Variants in MYO18B observed in about 807,000 individuals in gnomAD.
MYO18B encodes myosin XVIIIB.
MYO18B carries 204 observed loss-of-function variants against 273.0 expected under a neutral mutation model. The ratio of observed to expected loss-of-function variants is 0.75; its 90% CI spans 0.67 to 0.84. The LOEUF (loss-of-function observed/expected upper bound fraction) is 0.84, where lower values mean the gene tolerates loss of function less well. MYO18B is among the 40% of genes least tolerant of loss of function. The pLI, the probability that MYO18B is intolerant of heterozygous loss-of-function variation, is 0.00. For missense variants in MYO18B, 3,212 were observed against 3,287.6 expected (o/e 0.98, Z 0.56); for synonymous variants, 1,330 against 1,305.7 (o/e 1.02, Z -0.40).
Position 25,940,144 on chromosome 22 carries a change from T to C in MYO18B, c.5518-5993T>C, listed in dbSNP as rs140323419. Among the ~76,000 whole-genome samples the C allele has an allele frequency of 2.6e-5, 4 of 152,352 alleles. No homozygotes were observed. The East Asian group carries it at 7.7e-4, about 29-fold the overall frequency. On this transcript the variant is annotated intron_variant, in intron 34 of 43. Coordinates refer to ENST00000335473, the MANE Select transcript of MYO18B (RefSeq NM_032608.7). ...TTTTTGGATGATGATATGGTTTGGCTATGTTCCCACACAAATCTCATCTTG... is the reference window on the plus strand; with the variant it reads ...TTTTTGGATGATGATATGGTTTGGCCATGTTCCCACACAAATCTCATCTTG...
At chr22:25,784,953 A>C (rs1026873793) in intron 10 of MYO18B, among the ~76,000 whole-genome samples, 1 of 152,182 alleles carries the variant, frequency 6.6e-6, no homozygotes, top group African/African-American at 2.4e-5. Context: ...TTCTGGTTGC[A>C]TGCTTGCTAG....
Position 25,917,545 on chromosome 22 carries a change from G to GGGGTGGT in MYO18B, c.5365-3711_5365-3710insGGTGGTG, listed in dbSNP as rs1555944183. ...CTATTTCATTTTAAAGCTTTGTAGGGGTGTGTGTGTGTGTGTGTGTGTGTG... is the reference window on the plus strand; with the variant it reads ...CTATTTCATTTTAAAGCTTTGTAGGGGGGTGGTGTGTGTGTGTGTGTGTGTGTGTGTG... On this transcript the variant is annotated intron_variant, in intron 33 of 43. Coordinates refer to ENST00000335473, the MANE Select transcript of MYO18B (RefSeq NM_032608.7). Among the ~76,000 whole-genome samples the GGGGTGGT allele has an allele frequency of 2.7e-3, 383 of 142,244 alleles. 1 individual carries two copies. Among genetic ancestry groups the GGGGTGGT allele is most frequent in the Admixed American group, 5.0e-3 (71 of 14,318 alleles). 93.3% of individuals were successfully genotyped at this position (142,244 alleles called of 152,430 possible).
At chr22:25,921,702 TTGTGTGTGTGTGTG>T (rs3070571) in intron 34 of MYO18B, among the ~76,000 whole-genome samples, 8,365 of 145,672 alleles carry the variant, frequency 0.057, 460 homozygotes, top group African/African-American at 0.14. Context: ...AGTGTGCCTG[TTGTGTGTGTGTGTG>T]TGTGTGTGTG....
intron 22 of MYO18B, among the ~76,000 whole-genome samples, chr22:25,873,458 C>CT (rs908563543): frequency 1.6e-4 from 25 of 151,938 alleles, no homozygotes; most frequent in African/African-American, 5.6e-4. Context: ...TCTTTCCTTT[C>CT]TTTTTTTTGA....
Position 25,835,630 on chromosome 22 carries a change from A to G in MYO18B, c.3208+187A>G, listed in dbSNP as rs695445. On this transcript the variant is annotated intron_variant, in intron 17 of 43. Coordinates refer to ENST00000335473, the MANE Select transcript of MYO18B (RefSeq NM_032608.7). ...TCAGTGAACGCATTGAGCAGCCACT[A>G]TGTGCTGGGTACTGTTCCATGTGTT... Among the ~76,000 whole-genome samples the G allele has an allele frequency of 0.091, 13,797 of 152,282 alleles. 1,956 individuals carry two copies. The highest frequency in any genetic ancestry group is 0.3 in the African/African-American group (12,572 of 41,524).
rs1035523594 is a variant in MYO18B at position 25,778,599 on chromosome 22, C to T, written c.2068+818C>T. On this transcript the variant is annotated intron_variant, in intron 8 of 43. Coordinates refer to ENST00000335473, the MANE Select transcript of MYO18B (RefSeq NM_032608.7). ...GGCTTAAGTGATCCTCCCACCTCAG[C>T]CTCCTGAGTAGCTGGGACTACAGGT... Among the ~76,000 whole-genome samples, 5 of 152,040 alleles carry T rather than the reference C, an allele frequency of 3.3e-5. 1 individual carries two copies. Among genetic ancestry groups the T allele is most frequent in the African/African-American group, 1.2e-4 (5 of 41,392 alleles).
Position 25,834,625 on chromosome 22 carries a change from T to G in MYO18B, c.3061-671T>G, listed in dbSNP as rs79460741. On this transcript the variant is annotated intron_variant, in intron 16 of 43. Transcript: ENST00000335473. ...TCCTCTATAACAAGTTGGTGGCCTT[T>G]TTTTGGTTGTGCCAACTCCTTATGG... Among the ~76,000 whole-genome samples, 521 of 152,318 alleles carry G rather than the reference T, an allele frequency of 3.4e-3. 10 individuals are homozygous for G. The East Asian group carries it at 0.066, about 19-fold the overall frequency.
At chr22:25,897,798 G>A (rs143273977) in intron 28 of MYO18B, 2 of 152,752 alleles carry the variant, frequency 1.3e-5, no homozygotes, top group African/African-American at 4.8e-5. Flanking sequence ...CTTGACTTTT[G>A]TTTGTTTAAG....
At chr22:25,966,689 C>A (rs574520723) in intron 39 of MYO18B, among the ~76,000 whole-genome samples, 1 of 152,164 alleles carries the variant, frequency 6.6e-6, no homozygotes, top group Non-Finnish European at 1.5e-5. Context: ...GGGGAACCCG[C>A]GGGTATTTCT....
chr22:25,821,754 G>A (rs2089290088), intron 12 of MYO18B, among the ~76,000 whole-genome samples: 1 of 152,120 alleles, frequency 6.6e-6, no homozygotes, highest in Non-Finnish European at 1.5e-5. Context: ...TCCAGCCTGG[G>A]CGAGAGTGAG....
In MYO18B at chr22:25,777,627, C is replaced by T; in HGVS notation, c.1914C>T (p.Ser638=). The T allele has an allele frequency of 6.2e-7, 1 of 1,609,340 alleles. No homozygotes were observed. Among genetic ancestry groups the T allele is most frequent in the Middle Eastern group, 1.7e-4 (1 of 5,964 alleles). ...RRDGLPAHIG[S]MAQRAYWALL... is the part of the protein sequence containing the mutation. The stretch of plus-strand genomic sequence containing the variant: ...ATGGCCTGCCTGCCCACATTGGCTC[C>T]ATGGCACAGCGGGCATACTGGGCGC... The change falls in exon 8 of 44, where the codon TCC becomes TCT. Residue 638 remains serine (S), a synonymous_variant. Transcript: ENST00000335473.
At chr22:25,948,385 ATTTTC>A (rs1199125511) in intron 36 of MYO18B, among the ~76,000 whole-genome samples, 1 of 147,466 alleles carries the variant, frequency 6.8e-6, no homozygotes, top group Non-Finnish European at 1.5e-5. Flanking sequence ...TCCAACCATC[ATTTTC>A]TTTTCTTTTT....
At chr22:25,814,634 C>T (rs2088923774) in intron 12 of MYO18B, among the ~76,000 whole-genome samples, 1 of 152,186 alleles carries the variant, frequency 6.6e-6, no homozygotes, top group South Asian at 2.1e-4. Context: ...CCTATTCACC[C>T]CTTTTTGGAA....
chr22:25,934,491 AGAAAGTTTATTT>A (rs1417151057), intron 34 of MYO18B, among the ~76,000 whole-genome samples: 1 of 152,178 alleles, frequency 6.6e-6, no homozygotes, highest in Non-Finnish European at 1.5e-5. Context: ...CAGTTAATTT[AGAAAGTTTATTT>A]CTCCAAGGTT....
At chr22:26,018,418 A>T (rs1935550130) in intron 42 of MYO18B, among the ~76,000 whole-genome samples, 1 of 151,978 alleles carries the variant, frequency 6.6e-6, no homozygotes, top group South Asian at 2.1e-4. Flanking sequence ...CCCAAACCCC[A>T]GCACCCTCCT....
At chr22:25,800,502 C>T (rs932996856) in intron 12 of MYO18B, among the ~76,000 whole-genome samples, 1 of 152,158 alleles carries the variant, frequency 6.6e-6, no homozygotes, top group Non-Finnish European at 1.5e-5. Context: ...GGGAAGGACC[C>T]CAGAAGGCTG....
At chr22:25,832,247 T>C (rs1379646758) in intron 15 of MYO18B, among the ~76,000 whole-genome samples, 2 of 152,190 alleles carry the variant, frequency 1.3e-5, no homozygotes, top group Non-Finnish European at 2.9e-5. Context: ...AGCAATTCCA[T>C]GTCTGGGTAT....
intron 21 of MYO18B, among the ~76,000 whole-genome samples, chr22:25,867,627 C>CTTTCTTTA (rs1382165920): frequency 1.3e-5 from 2 of 151,880 alleles, no homozygotes; most frequent in African/African-American, 4.8e-5. Context: ...TGATTTCTTT[C>CTTTCTTTA]TTTCTTTCTT....
intron 42 of MYO18B, among the ~76,000 whole-genome samples, chr22:26,014,160 A>G (rs1010159692): frequency 2.0e-5 from 3 of 152,220 alleles, no homozygotes; most frequent in Non-Finnish European, 2.9e-5. Flanking sequence ...TGCATCATGA[A>G]TTGATACTTA....
Sources: gnomAD v4.1 joint callset for allele counts (sites outside exome capture counted in the v4.1 genomes callset) on GRCh38, gnomAD v4.1.1 for gene constraint, MANE v1.5 for transcripts, NCBI Gene and HGNC (gene_info 2026-07-23, HGNC 2026-07-21) for gene names.